KIR2DL4: variants seen among roughly 807,000 people sequenced by gnomAD.
The protein encoded by KIR2DL4 is killer cell immunoglobulin like receptor, two Ig domains and long cytoplasmic tail 4.
Under a neutral mutation model 31.0 loss-of-function variants are expected in KIR2DL4, and 41 were observed. That is an observed-to-expected ratio of 1.32 (90% CI 1.03 to 1.72). The LOEUF is 1.72. Among genes scored for constraint, KIR2DL4 ranks in the 40% most tolerant of loss-of-function variants. KIR2DL4 has a pLI of 0.00. For missense variants in KIR2DL4, 438 were observed against 353.7 expected (o/e 1.24, Z -1.91); for synonymous variants, 164 against 133.6 (o/e 1.23, Z -1.57).
chr19:54,803,643 AGCT>A (rs2060314479), exon 1 of KIR2DL4: 1 of 1,612,028 alleles, frequency 6.2e-7, no homozygotes, highest in Non-Finnish European at 8.5e-7. Flanking sequence ...TGGCAGCAGA[AGCT>A]GCACCATGTC....
rs1380628341 is a variant in KIR2DL4, at chr19:54,811,534, C to A, written c.707-1591C>A. On this transcript the variant is annotated intron_variant, in intron 5 of 7. Transcript: ENST00000359085. ...TTATCCTATCCGTAAGAAAATCAGG[C>A]GAAAACATCTTCCTTATTTGGCTTT... is the stretch of plus-strand genomic sequence containing the variant. 9.9e-5 allele frequency among the ~76,000 whole-genome samples: 15 copies of A among 150,906 alleles called. 1 individual carries two copies. Among genetic ancestry groups the A allele is most frequent in the African/African-American group, 3.4e-4 (14 of 40,812 alleles).
In KIR2DL4 at chr19:54,813,594, G is replaced by A. The variant is rs571361166; in HGVS notation, c.811-96G>A. 104 of 1,285,836 alleles carry A rather than the reference G, an allele frequency of 8.1e-5. 3 individuals carry two copies. In the African/African-American group the frequency reaches 1.3e-3, roughly 16 times the overall value. 79.7% of individuals were successfully genotyped at this position (1,285,836 alleles called of 1,614,324 possible). A position where few individuals can be genotyped will look rare whatever the true frequency, so the allele number is the denominator to read the frequency against. On this transcript the variant is annotated intron_variant, in intron 6 of 7. Coordinates refer to ENST00000359085, the Ensembl canonical transcript of KIR2DL4. The stretch of plus-strand genomic sequence containing the variant: ...GCTGTTGGCAGCTGAGGGACCTCAG[G>A]CACCTATGGCCTCCCCCTGTGTGTT...
rs2060342107 is a variant in KIR2DL4 at position 54,804,038 on chromosome 19, G to T, written c.76+112G>T. The stretch of plus-strand genomic sequence containing the variant: ...TGGGCTGATGGGCTGACCATGGGAA[G>T]GCCTGGGGGGAGTCTCTCATGAACT... On this transcript the variant is annotated intron_variant, in intron 2 of 7. Coordinates refer to ENST00000359085, the Ensembl canonical transcript of KIR2DL4. 4 of 979,284 alleles carry T rather than the reference G, an allele frequency of 4.1e-6. No homozygotes were observed. In the South Asian group the frequency reaches 5.3e-5, roughly 13 times the overall value. 60.7% of individuals were successfully genotyped at this position (979,284 alleles called of 1,614,324 possible). A position where few individuals can be genotyped will look rare whatever the true frequency, so the allele number is the denominator to read the frequency against.
chr19:54,804,826 C>A, exon 3 of KIR2DL4: 1 of 1,612,236 alleles, frequency 6.2e-7, no homozygotes. Flanking sequence ...TCTGCCTGGC[C>A]CAGCGCTGTG....
chr19:54,810,421 C>T (rs970489137), intron 5 of KIR2DL4, among the ~76,000 whole-genome samples: 6 of 151,208 alleles, frequency 4.0e-5, no homozygotes, highest in Non-Finnish European at 2.9e-5. Context: ...GCCAAGGCGC[C>T]GAGCCGTATT....
At chr19:54,813,642 A>T in intron 6 of KIR2DL4, 48 bp from the exon 6 acceptor site, 1 of 1,576,614 alleles carries the variant, frequency 6.3e-7, no homozygotes, top group Non-Finnish European at 8.7e-7. Context: ...TGAAATGAGG[A>T]CCCAGAAGTG....
chr19:54,810,059 C>T (rs1194827832), intron 5 of KIR2DL4, among the ~76,000 whole-genome samples: 7 of 149,678 alleles, frequency 4.7e-5, no homozygotes, highest in African/African-American at 1.7e-4. Context: ...AAAATGAATG[C>T]ACCAGTGGAC....
At chr19:54,805,298 G>A (rs1474694826) in intron 3 of KIR2DL4, among the ~76,000 whole-genome samples, 2 of 151,464 alleles carry the variant, frequency 1.3e-5, no homozygotes, top group African/African-American at 4.9e-5. Context: ...TAGGGCAGGG[G>A]ACTGAAGGGG....
intron 5 of KIR2DL4, among the ~76,000 whole-genome samples, chr19:54,811,616 A>C (rs1251241734): frequency 6.6e-6 from 1 of 151,318 alleles, no homozygotes; most frequent in Non-Finnish European, 1.5e-5. Flanking sequence ...GTCCTGGAAT[A>C]GAGAACGTGA....
exon 1 of KIR2DL4, chr19:54,803,653 T>C (rs2060315358): frequency 1.2e-6 from 2 of 1,612,148 alleles, no homozygotes; most frequent in South Asian, 1.1e-5. Context: ...AGCTGCACCA[T>C]GTCCATGTCA....
chr19:54,803,915 GGGCACAC>G lies in KIR2DL4; in HGVS notation c.67_73del (p.Ala23TrpfsTer23). On this transcript the variant is annotated frameshift_variant, in exon 2 of 8. Coordinates refer to ENST00000359085, the Ensembl canonical transcript of KIR2DL4. LOFTEE classifies it high-confidence loss of function. ...GGGTTCTTCTTGGACCAGAGTGTGT[GGGCACAC>G]GTGGGTGAGTCCTTCCCCAAATGAT... 1 of 1,609,914 alleles carries G rather than the reference GGGCACAC, an allele frequency of 6.2e-7. No individual in the cohort carries two copies. Among genetic ancestry groups the G allele is most frequent in the South Asian group, 1.1e-5 (1 of 90,498 alleles).
chr19:54,805,192 G>C, intron 3 of KIR2DL4, 115 bp downstream of exon 3: 1 of 1,074,194 alleles, frequency 9.3e-7, no homozygotes. Context: ...TTGGGGTAAA[G>C]GGGGATTGAA....
chr19:54,809,518 A>G lies in KIR2DL4; in HGVS notation c.706+635A>G, dbSNP rs2060728172. On this transcript the variant is annotated intron_variant, in intron 5 of 7. Transcript: ENST00000359085. ...GTAGCTCAGAAGTATGAAATGCATCATCTCACTGGGCTAAAATCAAGGTGA... is the reference window on the plus strand; with the variant it reads ...GTAGCTCAGAAGTATGAAATGCATCGTCTCACTGGGCTAAAATCAAGGTGA... Among the ~76,000 whole-genome samples the G allele has an allele frequency of 2.0e-5, 3 of 151,348 alleles. No homozygotes were observed. In the South Asian group the frequency reaches 6.4e-4, roughly 32 times the overall value.
intron 5 of KIR2DL4, among the ~76,000 whole-genome samples, chr19:54,811,396 G>A (rs1337637327): frequency 1.3e-5 from 2 of 150,904 alleles, no homozygotes; most frequent in Non-Finnish European, 2.9e-5. Context: ...AGACTCCATG[G>A]CAAAAAATAA....
chr19:54,808,824 G>T lies in KIR2DL4; in HGVS notation c.656-9G>T, dbSNP rs687423. 13 of 1,563,482 alleles carry T rather than the reference G, an allele frequency of 8.3e-6. No individual in the cohort carries two copies. The highest frequency in any genetic ancestry group is 1.1e-5 in the Non-Finnish European group (13 of 1,139,820). On this transcript the variant is annotated splice_polypyrimidine_tract_variant and intron_variant, in intron 4 of 7. Coordinates refer to ENST00000359085, the Ensembl canonical transcript of KIR2DL4. Reference sequence around the variant, plus strand: ...CATTGCCACACCTCTCTCCTGTCCCGTGTTCTAGGAAACCCTTCTAGTAGT... The same window carrying T: ...CATTGCCACACCTCTCTCCTGTCCCTTGTTCTAGGAAACCCTTCTAGTAGT...
chr19:54,814,059 C>A, exon 8 of KIR2DL4: 1 of 1,612,148 alleles, frequency 6.2e-7, no homozygotes, highest in Non-Finnish European at 8.5e-7. Flanking sequence ...GAGACAACAG[C>A]CCTGTCTCAA....
chr19:54,805,200 G>T, intron 3 of KIR2DL4, 123 bp downstream of exon 3: 1 of 888,048 alleles, frequency 1.1e-6, no homozygotes, highest in Non-Finnish European at 1.7e-6. Flanking sequence ...AAGGGGGATT[G>T]AATACAGGGG....
intron 5 of KIR2DL4, among the ~76,000 whole-genome samples, chr19:54,809,762 T>C (rs2060745886): frequency 6.6e-6 from 1 of 151,476 alleles, no homozygotes; most frequent in African/African-American, 2.4e-5. Context: ...CCTCATCTTT[T>C]AAGGACTTTG....
At chr19:54,812,959 T>C (rs1157706026) in intron 5 of KIR2DL4, among the ~76,000 whole-genome samples, 1 of 143,298 alleles carries the variant, frequency 7.0e-6, no homozygotes, top group Non-Finnish European at 1.5e-5. Flanking sequence ...ATTGTTATTA[T>C]GAAAACTATA....
Sources: allele counts gnomAD v4.1 joint callset (sites outside exome capture counted in the v4.1 genomes callset), GRCh38; gene constraint gnomAD v4.1.1; transcripts MANE v1.5; gene names NCBI Gene and HGNC (gene_info 2026-07-23, HGNC 2026-07-21).